Variants in DARS1 observed in about 807,000 individuals in gnomAD.
DARS1 encodes the protein aspartate--tRNA ligase, cytoplasmic.
A neutral mutation model predicts 68.8 loss-of-function variants in DARS1; 51 were observed. That is an observed-to-expected ratio of 0.74 (90% CI 0.59 to 0.94). The LOEUF (loss-of-function observed/expected upper bound fraction) is 0.94. DARS1 is among the 40% of genes least tolerant of loss of function. DARS1 has a pLI of 0.00. For missense variants in DARS1, 607 were observed against 597.3 expected (o/e 1.02, Z -0.17); for synonymous variants, 203 against 190.4 (o/e 1.07, Z -0.55).
chr2:135,944,913 A>G (rs1230288892), intron 4 of DARS1, among the ~76,000 whole-genome samples: 1 of 152,176 alleles, frequency 6.6e-6, no homozygotes, highest in Non-Finnish European at 1.5e-5. Flanking sequence ...CATCTTCACA[A>G]GGAAGGTTTT....
rs766427338 is a variant in DARS1, at chr2:135,983,430, T to C, written c.91A>G (p.Ile31Val). Residue 31 changes from isoleucine to valine, a missense_variant, in exon 2 of 16, where the codon ATA (isoleucine) becomes GTA (valine). Ile to Val is a conservative substitution (Grantham distance 29). Transcript: ENST00000264161. The part of the protein sequence containing the change: ...AEDYAKERYG[I>V]SSMIQSQEKP... ...TCTTGTGATTGTATCATTGAAGATA[T>C]TCCATATCTCTCTTTAGCATAATCC... 3 of 1,223,796 alleles carry C rather than the reference T, an allele frequency of 2.5e-6. No individual in the cohort carries two copies. Among genetic ancestry groups the C allele is most frequent in the East Asian group, 2.3e-5 (1 of 42,738 alleles). The allele number at this position is 1,223,796 out of a possible 1,614,324, so 75.8% of individuals were successfully genotyped here.
intron 4 of DARS1, among the ~76,000 whole-genome samples, chr2:135,951,590 A>C: frequency 6.6e-6 from 1 of 152,220 alleles, no homozygotes. Flanking sequence ...ATTTGAGTAT[A>C]ATGAGAATTT....
intron 12 of DARS1, among the ~76,000 whole-genome samples, chr2:135,913,329 T>C: frequency 6.6e-6 from 1 of 152,186 alleles, no homozygotes; most frequent in East Asian, 1.9e-4. Flanking sequence ...TTTATCTAGA[T>C]ATATACATGA....
At chr2:135,919,030 CTACA>C (rs1366434628) in intron 10 of DARS1, among the ~76,000 whole-genome samples, 1 of 152,108 alleles carries the variant, frequency 6.6e-6, no homozygotes, top group Non-Finnish European at 1.5e-5. Context: ...TGATTGATTT[CTACA>C]TTCTATTTTT....
intron 4 of DARS1, among the ~76,000 whole-genome samples, chr2:135,960,666 G>A (rs921601163): frequency 1.3e-5 from 2 of 151,734 alleles, no homozygotes; most frequent in Non-Finnish European, 2.9e-5. Flanking sequence ...TCATTATCAT[G>A]GAAATAAAAT....
At chr2:135,962,740 C>T (rs919578843) in intron 3 of DARS1, among the ~76,000 whole-genome samples, 17 of 152,002 alleles carry the variant, frequency 1.1e-4, no homozygotes, top group Admixed American at 6.6e-4. Flanking sequence ...TCCTAAAAAA[C>T]GAAGTTGTAT....
At chr2:135,937,510 A>G (rs1681496472) in intron 5 of DARS1, among the ~76,000 whole-genome samples, 1 of 152,186 alleles carries the variant, frequency 6.6e-6, no homozygotes, top group African/African-American at 2.4e-5. Context: ...AGTAATTATT[A>G]TAAGACTAAG....
chr2:135,913,025 C>G (rs1345892112), intron 12 of DARS1, among the ~76,000 whole-genome samples: 2 of 151,746 alleles, frequency 1.3e-5, no homozygotes, highest in Non-Finnish European at 2.9e-5. Context: ...AGTGCCAGGC[C>G]TACGGTTTAA....
At chr2:135,974,560 T>C (rs1682454440) in intron 3 of DARS1, among the ~76,000 whole-genome samples, 1 of 152,274 alleles carries the variant, frequency 6.6e-6, no homozygotes, top group East Asian at 1.9e-4. Flanking sequence ...GAAACTACTT[T>C]TAATCTACTT....
At chr2:135,946,386 T>C (rs954388329) in intron 4 of DARS1, among the ~76,000 whole-genome samples, 3 of 152,180 alleles carry the variant, frequency 2.0e-5, no homozygotes, top group African/African-American at 7.2e-5. Context: ...CTATAGGTGA[T>C]ATGTAACCTT....
At chr2:135,910,925 A>C (rs1227956677) in intron 15 of DARS1, 1 of 461,432 alleles carries the variant, frequency 2.2e-6, no homozygotes, top group African/African-American at 2.1e-5. Flanking sequence ...TACTCCACTT[A>C]CAAGACATTT....
chr2:135,910,981 CAAT>C (rs1680883666), intron 15 of DARS1, 155 bp downstream of exon 15: 1 of 544,428 alleles, frequency 1.8e-6, no homozygotes, highest in Non-Finnish European at 3.3e-6. Context: ...AACTTTATGA[CAAT>C]AATATTTTAT....
intron 12 of DARS1, among the ~76,000 whole-genome samples, 164 bp downstream of exon 12, chr2:135,914,305 C>T (rs1680958308): frequency 6.6e-6 from 1 of 152,182 alleles, no homozygotes; most frequent in Non-Finnish European, 1.5e-5. Flanking sequence ...CTGAATATTT[C>T]TCAATTTTCT....
At chr2:135,976,702 G>A (rs1006737678) in intron 3 of DARS1, among the ~76,000 whole-genome samples, 25 of 148,342 alleles carry the variant, frequency 1.7e-4, no homozygotes, top group African/African-American at 6.3e-4. Flanking sequence ...TTTGAGTGCC[G>A]ACATGACTCT....
intron 5 of DARS1, among the ~76,000 whole-genome samples, chr2:135,942,389 CA>C (rs1412270029): frequency 6.6e-6 from 1 of 151,504 alleles, no homozygotes; most frequent in Non-Finnish European, 1.5e-5. Flanking sequence ...TCATTCTCAG[CA>C]AACTATCACA....
chr2:135,932,717 G>A (rs1681377452), intron 7 of DARS1, 66 bp downstream of exon 7: 2 of 813,362 alleles, frequency 2.5e-6, no homozygotes, highest in East Asian at 4.9e-5. Flanking sequence ...CCTGAGACAG[G>A]TATGGTATCC....
intron 13 of DARS1, among the ~76,000 whole-genome samples, chr2:135,911,921 C>T (rs1478249315): frequency 6.6e-6 from 1 of 152,046 alleles, no homozygotes; most frequent in Non-Finnish European, 1.5e-5. Flanking sequence ...ATTCCTGGAC[C>T]AGTAGCTTCA....
chr2:135,945,134 T>A (rs1230757270), intron 4 of DARS1, among the ~76,000 whole-genome samples: 3 of 149,080 alleles, frequency 2.0e-5, no homozygotes, highest in Non-Finnish European at 4.5e-5. Flanking sequence ...CACATCTACT[T>A]TTTTTTTTTT....
chr2:135,961,589 C>G (rs1217402803), intron 3 of DARS1, 91 bp from the exon 4 acceptor site: 2 of 771,966 alleles, frequency 2.6e-6, no homozygotes, highest in South Asian at 2.9e-5. Flanking sequence ...TAAAAGTGGG[C>G]CAAAATTTAC....
Sources: allele counts gnomAD v4.1 joint callset (sites outside exome capture counted in the v4.1 genomes callset), GRCh38; gene constraint gnomAD v4.1.1; transcripts MANE v1.5; gene names NCBI Gene and HGNC (gene_info 2026-07-23, HGNC 2026-07-21).